Variants in TSEN2 observed in about 807,000 individuals in gnomAD.
TSEN2 encodes the protein tRNA splicing endonuclease subunit 2.
TSEN2 carries 54 observed loss-of-function variants against 59.2 expected under a neutral mutation model. The observed-to-expected ratio is 0.91, with a 90% CI of 0.73 to 1.14. The LOEUF is 1.14. TSEN2 is among the 50% of genes most tolerant of loss of function. The probability of loss-of-function intolerance (pLI) is 0.00; values close to 1 mark genes in which losing one functional copy is unlikely to be tolerated. For synonymous variants in TSEN2, 195 were observed against 198.2 expected (o/e 0.98, Z 0.14); for missense variants, 636 against 576.2 (o/e 1.10, Z -1.06).
intron 6 of TSEN2, among the ~76,000 whole-genome samples, chr3:12,507,949 A>G (rs1003360860): frequency 1.3e-5 from 2 of 152,228 alleles, no homozygotes; most frequent in African/African-American, 4.8e-5. Context: ...GACACAGGGT[A>G]GTAAAGGCTC....
chr3:12,530,161 T>C, intron 10 of TSEN2: 1 of 1,275,988 alleles, frequency 7.8e-7, no homozygotes, highest in South Asian at 2.5e-5. Context: ...GCATTGCTTC[T>C]CTTCCCAGGG....
intron 2 of TSEN2, among the ~76,000 whole-genome samples, chr3:12,491,396 G>A (rs2053197907): frequency 6.6e-6 from 1 of 152,174 alleles, no homozygotes; most frequent in Admixed American, 6.5e-5. Flanking sequence ...AAAAATACAT[G>A]TTGTTTTTGG....
chr3:12,515,835 G>C (rs1410278877), intron 6 of TSEN2, among the ~76,000 whole-genome samples: 1 of 151,710 alleles, frequency 6.6e-6, no homozygotes, highest in Non-Finnish European at 1.5e-5. Context: ...TATTTTGTCA[G>C]GTAAGCAAAA....
intron 4 of TSEN2, among the ~76,000 whole-genome samples, chr3:12,497,267 A>G (rs1361054179): frequency 2.6e-5 from 4 of 152,298 alleles, no homozygotes; most frequent in African/African-American, 7.2e-5. Flanking sequence ...GTCTCCATCC[A>G]TCCCAGACCT....
chr3:12,481,693 G>C (rs1249453379), upstream of TSEN2, among the ~76,000 whole-genome samples: 1 of 152,058 alleles, frequency 6.6e-6, no homozygotes, highest in Non-Finnish European at 1.5e-5. Flanking sequence ...ACATATGTAA[G>C]GTGTCTTTAA....
At chr3:12,524,165 T>C (rs1575439544) in intron 8 of TSEN2, among the ~76,000 whole-genome samples, 1 of 152,124 alleles carries the variant, frequency 6.6e-6, no homozygotes, top group East Asian at 1.9e-4. Flanking sequence ...ACTCCTGGGC[T>C]CAAGCCATCC....
At chr3:12,502,645 A>G (rs1430511606) in intron 4 of TSEN2, among the ~76,000 whole-genome samples, 1 of 148,270 alleles carries the variant, frequency 6.7e-6, no homozygotes, top group Non-Finnish European at 1.5e-5. Context: ...ATAAATTTTC[A>G]TAGTTTGTTA....
At chr3:12,506,696 T>G in intron 6 of TSEN2, 1 of 985,348 alleles carries the variant, frequency 1.0e-6, no homozygotes, top group Non-Finnish European at 1.2e-6. Flanking sequence ...CTTTTCTTGC[T>G]TATGTTGATA....
Position 12,494,069 on chromosome 3 carries a change from G to T in TSEN2, c.271+1852G>T, listed in dbSNP as rs370273668. On this transcript the variant is annotated intron_variant, in intron 3 of 11. Transcript: ENST00000284995. ...GATATCCAGTTGTCCCAGTATATGC[G>T]TTTACTTTTGATCCAGCAATCTCAC... is the stretch of plus-strand genomic sequence containing the variant. 1.1e-4 allele frequency among the ~76,000 whole-genome samples: 16 copies of T among 152,232 alleles called. 1 individual carries two copies. The highest frequency in any genetic ancestry group is 7.8e-4 in the Admixed American group (12 of 15,298).
chr3:12,493,149 C>T (rs2053397998), intron 3 of TSEN2, among the ~76,000 whole-genome samples: 1 of 152,188 alleles, frequency 6.6e-6, no homozygotes, highest in African/African-American at 2.4e-5. Flanking sequence ...ATTGTTTGGA[C>T]ATAGTGCCTT....
At chr3:12,516,313 C>G (rs1434541563) in intron 6 of TSEN2, among the ~76,000 whole-genome samples, 2 of 152,072 alleles carry the variant, frequency 1.3e-5, no homozygotes, top group Non-Finnish European at 2.9e-5. Flanking sequence ...GTAGTCCCAG[C>G]TACTCGGGAG....
At position 12,533,025 on chromosome 3, in the gene TSEN2, G is replaced by T; in HGVS notation, c.*304G>T. 1 of 467,402 alleles carries T rather than the reference G, an allele frequency of 2.1e-6. No homozygotes were observed. 29.0% of individuals were successfully genotyped at this position (467,402 alleles called of 1,614,324 possible). A position where few individuals can be genotyped will look rare whatever the true frequency, so the allele number is the denominator to read the frequency against. ...AGATTGGACTAGAGGAGTCCTGAGA[G>T]GACACTTCCAACAAGAGACATTTAT... On this transcript the variant is annotated 3_prime_UTR_variant, in exon 12 of 12. Coordinates refer to ENST00000284995, the MANE Select transcript of TSEN2 (RefSeq NM_025265.4).
intron 10 of TSEN2, chr3:12,530,586 C>T (rs373920080): frequency 1.0e-6 from 1 of 985,542 alleles, no homozygotes; most frequent in Non-Finnish European, 1.2e-6. Context: ...ATTTCATCCT[C>T]ATGCTGCTGG....
intron 2 of TSEN2, 42 bp from the exon 3 acceptor site, chr3:12,492,094 T>G (rs531332295): frequency 1.3e-6 from 2 of 1,552,980 alleles, no homozygotes; most frequent in South Asian, 2.2e-5. Flanking sequence ...AAAAAACTGG[T>G]AACTAAGCAT....
At chr3:12,480,713 T>C (rs901008967), upstream of TSEN2, among the ~76,000 whole-genome samples, 1 of 151,970 alleles carries the variant, frequency 6.6e-6, no homozygotes, top group African/African-American at 2.4e-5. Context: ...ATATTTTTTT[T>C]AGTAGAGACG....
chr3:12,497,192 A>G (rs1179222508), intron 4 of TSEN2, among the ~76,000 whole-genome samples: 1 of 152,158 alleles, frequency 6.6e-6, no homozygotes, highest in African/African-American at 2.4e-5. Context: ...CTTGGAGAGC[A>G]GAGATCAGGC....
chr3:12,523,374 TA>T (rs2056801377), intron 8 of TSEN2, among the ~76,000 whole-genome samples: 1 of 151,922 alleles, frequency 6.6e-6, no homozygotes, highest in Admixed American at 6.6e-5. Flanking sequence ...CTAGCAGAGT[TA>T]TAGAATTTCC....
chr3:12,534,206 G>T (rs750566649), downstream of TSEN2, among the ~76,000 whole-genome samples: 4 of 152,192 alleles, frequency 2.6e-5, no homozygotes, highest in Non-Finnish European at 5.9e-5. Flanking sequence ...CTCGGGTGGG[G>T]TGCAGCCTGA....
chr3:12,534,389 G>A (rs1423839461), downstream of TSEN2, among the ~76,000 whole-genome samples: 1 of 152,206 alleles, frequency 6.6e-6, no homozygotes, highest in Non-Finnish European at 1.5e-5. Context: ...CTTCTAGAAA[G>A]GAATGCTTCA....
Sources: gnomAD v4.1 joint callset for allele counts (sites outside exome capture counted in the v4.1 genomes callset) on GRCh38, gnomAD v4.1.1 for gene constraint, MANE v1.5 for transcripts, NCBI Gene and HGNC (gene_info 2026-07-23, HGNC 2026-07-21) for gene names.